Variants in KMT2A observed in about 807,000 individuals in gnomAD.
KMT2A encodes histone-lysine N-methyltransferase 2A.
KMT2A carries 16 observed loss-of-function variants against 345.3 expected under a neutral mutation model. That is an observed-to-expected ratio of 0.05 (90% CI 0.03 to 0.07). KMT2A has a LOEUF of 0.07. Among genes scored for constraint, KMT2A ranks in the 10% least tolerant of loss-of-function variants. The pLI is 1.00. For missense variants in KMT2A, 3,272 were observed against 4,841.6 expected, an observed-to-expected ratio of 0.68 and a Z score of 9.62; for synonymous variants, 1,599 against 1,778.6, an observed-to-expected ratio of 0.90 and a Z score of 2.54.
intron 28 of KMT2A, among the ~76,000 whole-genome samples, chr11:118,508,739 G>A (rs1555049281): frequency 6.6e-6 from 1 of 150,828 alleles, no homozygotes; most frequent in African/African-American, 2.4e-5. Flanking sequence ...AAAAAAAAAG[G>A]TGAAAATTGA....
chr11:118,525,065 G>GT lies in KMT2A; in HGVS notation c.*2893_*2894insT, dbSNP rs1555055090. ...TCAGCACACCTGCCAGCAACTTGGG[G>GT]GAATAAGCGAAGGTTTCCCTACAAG... On this transcript the variant is annotated 3_prime_UTR_variant, in exon 36 of 36. Coordinates refer to ENST00000534358, the MANE Select transcript of KMT2A (RefSeq NM_001197104.2). 4.6e-6 allele frequency: 1 copy of GT among 216,290 alleles called. No individual in the cohort carries two copies. The highest frequency in any genetic ancestry group is 2.3e-5 in the African/African-American group (1 of 44,322). 13.4% of individuals were successfully genotyped at this position (216,290 alleles called of 1,614,324 possible).
At chr11:118,452,271 C>T (rs1272578138) in intron 1 of KMT2A, among the ~76,000 whole-genome samples, 1 of 152,140 alleles carries the variant, frequency 6.6e-6, no homozygotes, top group Non-Finnish European at 1.5e-5. Flanking sequence ...CATGGTGGCT[C>T]ACACCTGTAA....
chr11:118,456,981 A>G (rs920919840), intron 1 of KMT2A, among the ~76,000 whole-genome samples: 1 of 152,114 alleles, frequency 6.6e-6, no homozygotes, highest in Non-Finnish European at 1.5e-5. Flanking sequence ...AAACCTTTAT[A>G]TCAAAGTCTT....
Position 118,503,349 on chromosome 11 carries a change from C to T in KMT2A, c.7457C>T (p.Ser2486Phe). Residue 2486 changes from serine to phenylalanine, a missense_variant, in exon 27 of 36, where the codon TCT becomes TTT. Transcript: ENST00000534358. The surrounding 1 kb of genome is among the most constrained non-coding windows in gnomAD (Gnocchi z 5.3). Reference sequence around the variant, plus strand: ...GGCCAACGACCATGTAACAATGTTTCTTCTGATAAGATTGGTGATAAAGGC... The same window carrying T: ...GGCCAACGACCATGTAACAATGTTTTTTCTGATAAGATTGGTGATAAAGGC... ...YMGQRPCNNVSSDKIGDKGLS... is the reference protein window; with the variant it reads ...YMGQRPCNNVFSDKIGDKGLS... 2 of 1,614,076 alleles carry T rather than the reference C, an allele frequency of 1.2e-6. No individual in the cohort carries two copies. Among genetic ancestry groups the T allele is most frequent in the East Asian group, 2.2e-5 (1 of 44,882 alleles).
intron 31 of KMT2A, among the ~76,000 whole-genome samples, chr11:118,517,220 C>A (rs1555051783): frequency 6.6e-6 from 1 of 151,420 alleles, no homozygotes; most frequent in Non-Finnish European, 1.5e-5. Flanking sequence ...ACAGTGAAAC[C>A]CCGTCTCTAC....
chr11:118,480,037 T>C, intron 5 of KMT2A, 137 bp from the exon 6 acceptor site: 1 of 667,426 alleles, frequency 1.5e-6, no homozygotes, highest in Non-Finnish European at 2.6e-6. Context: ...ATCTGAGTAA[T>C]GAGCAGTCCT....
chr11:118,467,495 A>G (rs1555034395), intron 1 of KMT2A, among the ~76,000 whole-genome samples: 1 of 152,220 alleles, frequency 6.6e-6, no homozygotes, highest in Non-Finnish European at 1.5e-5. Flanking sequence ...GCCTTTTTAG[A>G]TGCCAGTAAG....
intron 30 of KMT2A, 93 bp from the exon 31 acceptor site, chr11:118,511,858 G>A: frequency 1.0e-6 from 1 of 953,552 alleles, no homozygotes. Flanking sequence ...TCACACTGTA[G>A]GGATTCTAAG....
intron 1 of KMT2A, 39 bp from the exon 2 acceptor site, chr11:118,468,736 T>C: frequency 6.4e-7 from 1 of 1,553,608 alleles, no homozygotes. Context: ...GTATGCACGT[T>C]TTTGCTTCTG....
chr11:118,500,069 G>C (rs1555045232), intron 24 of KMT2A, among the ~76,000 whole-genome samples, 156 bp downstream of exon 24: 1 of 152,172 alleles, frequency 6.6e-6, no homozygotes, highest in Non-Finnish European at 1.5e-5. Flanking sequence ...TCGTCTGCTT[G>C]TAGATTGGGA....
chr11:118,441,665 A>G (rs1370898939), intron 1 of KMT2A, among the ~76,000 whole-genome samples: 1 of 152,236 alleles, frequency 6.6e-6, no homozygotes, highest in Non-Finnish European at 1.5e-5. Flanking sequence ...CATAGGATGT[A>G]GTTATTAATA....
chr11:118,512,281 A>T (rs1950704842), intron 31 of KMT2A: 1 of 508,258 alleles, frequency 2.0e-6, no homozygotes, highest in Admixed American at 3.7e-5. Context: ...GAAACCCCCT[A>T]TTCATTAGCA....
rs1555041658 is a variant in KMT2A, at chr11:118,488,769, CT to C, written c.4479+11del. On this transcript the variant is annotated intron_variant, in intron 11 of 35. Transcript: ENST00000534358. ...AACATCAGGCTACAAAGGTACAAAA[CT>C]TGGTAATAGAACTACAGCTGGGCCT... is the stretch of plus-strand genomic sequence containing the variant. 1 of 1,613,580 alleles carries C rather than the reference CT, an allele frequency of 6.2e-7. No homozygotes were observed. Among genetic ancestry groups the C allele is most frequent in the African/African-American group, 1.3e-5 (1 of 74,892 alleles).
chr11:118,443,833 A>G (rs1555026492), intron 1 of KMT2A, among the ~76,000 whole-genome samples: 1 of 152,164 alleles, frequency 6.6e-6, no homozygotes, highest in Non-Finnish European at 1.5e-5. Context: ...AGTAGCATTT[A>G]TTTCAGGAGC....
Position 118,525,627 on chromosome 11 carries a change from A to T in KMT2A, c.*3455A>T. 1 of 228,880 alleles carries T rather than the reference A, an allele frequency of 4.4e-6. No homozygotes were observed. Among genetic ancestry groups the T allele is most frequent in the Non-Finnish European group, 8.7e-6 (1 of 115,412 alleles). The allele number at this position is 228,880 out of a possible 1,614,324, so 14.2% of individuals were successfully genotyped here. On this transcript the variant is annotated 3_prime_UTR_variant, in exon 36 of 36. Transcript: ENST00000534358. ...ATAAAAAATAAAAAAAAAAGGAAAA[A>T]AAAATACAACACACACACAAAAATA... is the stretch of plus-strand genomic sequence containing the variant.
At chr11:118,514,690 A>G (rs1456724437) in intron 31 of KMT2A, among the ~76,000 whole-genome samples, 4 of 150,944 alleles carry the variant, frequency 2.6e-5, no homozygotes, top group African/African-American at 4.9e-5. Context: ...CTGGAGTGCA[A>G]TGGCGCAATC....
chr11:118,505,846 C>T lies in KMT2A; in HGVS notation c.9954C>T (p.Gly3318=), dbSNP rs1591285606. ...GAGGAACTGCTGCCACAGCGGCAGG[C>T]ACATCAACAATAAGCCAGGATACTA... ...SVGGTAATAA[G]TSTISQDTSH... is the part of the protein sequence containing the mutation. Residue 3318 remains glycine (G), a synonymous_variant, in exon 27 of 36, where the codon GGC becomes GGT. Transcript: ENST00000534358. The surrounding 1 kb of genome is among the most constrained non-coding windows in gnomAD (Gnocchi z 4.6). 6.2e-7 allele frequency: 1 copy of T among 1,614,024 alleles called. No individual in the cohort carries two copies. The highest frequency in any genetic ancestry group is 8.5e-7 in the Non-Finnish European group (1 of 1,180,034).
chr11:118,498,070 G>C lies in KMT2A; in HGVS notation c.5799G>C (p.Gln1933His). Residue 1933 changes from glutamine (Q) to histidine (H), a missense_variant, in exon 21 of 36, where the codon CAG becomes CAC. Coordinates refer to ENST00000534358, the MANE Select transcript of KMT2A (RefSeq NM_001197104.2). The surrounding 1 kb of genome is among the most constrained non-coding windows in gnomAD (Gnocchi z 4.4). Reference sequence around the variant, plus strand: ...ATATGGCTGTGATCAGGGGCAAGCAGCTGGTAAGACCTTATGGGTAAATTT... The same window carrying C: ...ATATGGCTGTGATCAGGGGCAAGCACCTGGTAAGACCTTATGGGTAAATTT... The part of the protein sequence containing the change: ...NVHMAVIRGK[Q>H]LRCEFCQKPG... The C allele has an allele frequency of 6.2e-7, 1 of 1,613,896 alleles. No individual in the cohort carries two copies. Among genetic ancestry groups the C allele is most frequent in the Non-Finnish European group, 8.5e-7 (1 of 1,179,934 alleles).
intron 1 of KMT2A, among the ~76,000 whole-genome samples, chr11:118,437,702 TAC>T (rs1323524647): frequency 6.9e-6 from 1 of 145,128 alleles, no homozygotes; most frequent in Admixed American, 6.9e-5. Flanking sequence ...CTTACAGGGC[TAC>T]AGTTTCTAGC....
Sources: allele counts gnomAD v4.1 joint callset (sites outside exome capture counted in the v4.1 genomes callset), GRCh38; gene constraint gnomAD v4.1.1; non-coding constraint Gnocchi (gnomAD v3.1); transcripts MANE v1.5; gene names NCBI Gene and HGNC (gene_info 2026-07-23, HGNC 2026-07-21).